The following ZBTB16 variants were observed in gnomAD, a reference collection of about 807,000 sequenced individuals.
ZBTB16 encodes the protein zinc finger and BTB domain containing 16.
Under a neutral mutation model 56.8 loss-of-function variants are expected in ZBTB16, and 8 were observed. That is an observed-to-expected ratio of 0.14 (90% confidence interval 0.08 to 0.25). The LOEUF is 0.25. Among genes scored for constraint, ZBTB16 ranks in the 10% least tolerant of loss-of-function variants. The pLI is 1.00. For missense variants in ZBTB16, 625 were observed against 903.0 expected (o/e 0.69, Z 3.95); for synonymous variants, 363 against 368.5 (o/e 0.98, Z 0.17).
At position 114,143,091 on chromosome 11, in the gene ZBTB16, A is replaced by T. The variant is rs1434403757; in HGVS notation, c.1269-13246A>T. Among the ~76,000 whole-genome samples, 1 of 151,602 alleles carries T rather than the reference A, an allele frequency of 6.6e-6. No individual in the cohort carries two copies. On this transcript the variant is annotated intron_variant, in intron 2 of 6. Coordinates refer to ENST00000335953, the MANE Select transcript of ZBTB16 (RefSeq NM_006006.6). This position sits in a 1 kb window ranked among gnomAD's most constrained non-coding sequence, Gnocchi z 6.4. ...GGTGAGCGTGGGCTTGCTCCCACCT[A>T]CTCTCCCAGGTTCCGAGGCTCCTGT... is the stretch of plus-strand genomic sequence containing the variant.
chr11:114,082,648 C>G (rs1565614939), intron 2 of ZBTB16, among the ~76,000 whole-genome samples: 1 of 152,086 alleles, frequency 6.6e-6, no homozygotes, highest in South Asian at 2.1e-4. Flanking sequence ...TCATCAGCTC[C>G]TAAGGAGACC....
chr11:114,098,660 A>G (rs1259911614), intron 2 of ZBTB16, among the ~76,000 whole-genome samples: 1 of 152,174 alleles, frequency 6.6e-6, no homozygotes, highest in Non-Finnish European at 1.5e-5. Context: ...CAGGTGGGCC[A>G]AGAAGCAAGG....
chr11:114,233,097 A>G lies in ZBTB16; in HGVS notation c.1454-9070A>G, dbSNP rs1188838676. 8.9e-4 allele frequency among the ~76,000 whole-genome samples: 35 copies of G among 39,260 alleles called. 2 individuals are homozygous for G. Among genetic ancestry groups the G allele is most frequent in the African/African-American group, 1.6e-3 (29 of 18,030 alleles). 25.8% of individuals were successfully genotyped at this position (39,260 alleles called of 152,430 possible). On this transcript the variant is annotated intron_variant, in intron 4 of 6. Transcript: ENST00000335953. Reference sequence around the variant, plus strand: ...CGCGCGCGCGCACACACACACACACACACACACACACACACACACACACAC... The same window carrying G: ...CGCGCGCGCGCACACACACACACACGCACACACACACACACACACACACAC...
intron 4 of ZBTB16, among the ~76,000 whole-genome samples, chr11:114,230,752 G>A (rs1369280219): frequency 6.6e-6 from 1 of 151,712 alleles, no homozygotes; most frequent in Non-Finnish European, 1.5e-5. Flanking sequence ...ATTGCCCAGT[G>A]TTTGGGAGAT....
chr11:114,074,883 TAA>T (rs976244908), intron 2 of ZBTB16, among the ~76,000 whole-genome samples: 1 of 152,194 alleles, frequency 6.6e-6, no homozygotes, highest in Non-Finnish European at 1.5e-5. Flanking sequence ...TTGTCATATG[TAA>T]AGAGGGAATC....
intron 2 of ZBTB16, among the ~76,000 whole-genome samples, chr11:114,136,352 G>C (rs1941797975): frequency 1.3e-5 from 2 of 152,168 alleles, no homozygotes. Flanking sequence ...ACAGAGTCTG[G>C]CTTCAGTCTC....
At chr11:114,234,855 C>G (rs1944530435) in intron 4 of ZBTB16, among the ~76,000 whole-genome samples, 1 of 152,166 alleles carries the variant, frequency 6.6e-6, no homozygotes, top group Non-Finnish European at 1.5e-5. Flanking sequence ...TGGTACAGCC[C>G]TGCTACCTTT....
At chr11:114,103,056 C>G (rs111376200) in intron 2 of ZBTB16, among the ~76,000 whole-genome samples, 2,617 of 152,336 alleles carry the variant, frequency 0.017, 35 homozygotes, top group Non-Finnish European at 0.022. Flanking sequence ...ATCAGTGATG[C>G]TGAAACTGGA....
intron 4 of ZBTB16, among the ~76,000 whole-genome samples, chr11:114,211,949 G>A (rs563252697): frequency 4.6e-5 from 7 of 152,322 alleles, no homozygotes; most frequent in African/African-American, 1.4e-4. Flanking sequence ...AAACCCCAAC[G>A]CTGGGGCGAG....
chr11:114,095,041 C>T (rs374472002), intron 2 of ZBTB16, among the ~76,000 whole-genome samples: 70 of 152,278 alleles, frequency 4.6e-4, no homozygotes, highest in African/African-American at 1.0e-3. Context: ...TGCCTGCAAA[C>T]GTGAGAGGGG....
intron 4 of ZBTB16, among the ~76,000 whole-genome samples, chr11:114,210,192 T>TGTGTGTGCGCGC (rs773801156): frequency 7.0e-6 from 1 of 143,238 alleles, no homozygotes; most frequent in Non-Finnish European, 1.6e-5. Flanking sequence ...TGTGTGTGTG[T>TGTGTGTGCGCGC]GCGTGCGCGC....
intron 4 of ZBTB16, among the ~76,000 whole-genome samples, chr11:114,205,278 T>C (rs1303980137): frequency 2.6e-5 from 4 of 151,796 alleles, no homozygotes; most frequent in African/African-American, 9.7e-5. Flanking sequence ...GGCGTAGTGG[T>C]GGGCGCCTGT....
At position 114,134,950 on chromosome 11, in the gene ZBTB16, G is replaced by C. The variant is rs1250553848; in HGVS notation, c.1269-21387G>C. On this transcript the variant is annotated intron_variant, in intron 2 of 6. Coordinates refer to ENST00000335953, the MANE Select transcript of ZBTB16 (RefSeq NM_006006.6). ...TGGTTCTGGGATTATTTGGCCCTAG[G>C]ATCAGATAAGCCACCAGTATTCACT... Among the ~76,000 whole-genome samples, 3 of 152,164 alleles carry C rather than the reference G, an allele frequency of 2.0e-5. No homozygotes were observed. In the East Asian group the frequency reaches 5.8e-4, roughly 29 times the overall value.
intron 6 of ZBTB16, among the ~76,000 whole-genome samples, chr11:114,249,204 A>G (rs1944871601): frequency 6.6e-6 from 1 of 151,934 alleles, no homozygotes. Flanking sequence ...CATGCCTATA[A>G]TCCCAGGACT....
chr11:114,154,799 C>A (rs1942366422), intron 2 of ZBTB16, among the ~76,000 whole-genome samples: 1 of 152,116 alleles, frequency 6.6e-6, no homozygotes, highest in South Asian at 2.1e-4. Context: ...AAAGGGAAAG[C>A]ATGCAAACAA....
At chr11:114,222,056 G>A (rs972592879) in intron 4 of ZBTB16, among the ~76,000 whole-genome samples, 1 of 152,152 alleles carries the variant, frequency 6.6e-6, no homozygotes, top group Admixed American at 6.5e-5. Context: ...GTGAGTCTTG[G>A]GTGAGGGGTG....
intron 2 of ZBTB16, among the ~76,000 whole-genome samples, chr11:114,129,612 T>C (rs1328942217): frequency 6.6e-6 from 1 of 152,222 alleles, no homozygotes; most frequent in African/African-American, 2.4e-5. Flanking sequence ...CATTTCCTGC[T>C]CAGAAATATT....
Position 114,148,469 on chromosome 11 carries a change from C to CTCTTTCTTTCTTTCTTTCTTTCTTTCTT in ZBTB16, c.1269-7867_1269-7840dup, listed in dbSNP as rs1555144000. 9.8e-5 allele frequency among the ~76,000 whole-genome samples: 6 copies of CTCTTTCTTTCTTTCTTTCTTTCTTTCTT among 60,962 alleles called. 1 individual carries two copies. Among genetic ancestry groups the CTCTTTCTTTCTTTCTTTCTTTCTTTCTT allele is most frequent in the African/African-American group, 1.6e-4 (3 of 18,404 alleles). The allele number at this position is 60,962 out of a possible 152,430, so 40.0% of individuals were successfully genotyped here. On this transcript the variant is annotated intron_variant, in intron 2 of 6. Transcript: ENST00000335953. ...TCTCTGTCTGTCTGTCTCTCTCTCT[C>CTCTTTCTTTCTTTCTTTCTTTCTTTCTT]TCTTTCTTTCTTTCTTTCTTTCTTT...
chr11:114,167,393 T>TG (rs1405362423), intron 3 of ZBTB16, among the ~76,000 whole-genome samples: 3 of 128,744 alleles, frequency 2.3e-5, no homozygotes, highest in Non-Finnish European at 4.8e-5. Flanking sequence ...TTTGTTTTTT[T>TG]TTTTTTTTAA....
Sources: gnomAD v4.1 joint callset for allele counts (sites outside exome capture counted in the v4.1 genomes callset) on GRCh38, gnomAD v4.1.1 for gene constraint, Gnocchi (gnomAD v3.1) non-coding constraint, MANE v1.5 for transcripts, NCBI Gene and HGNC (gene_info 2026-07-23, HGNC 2026-07-21) for gene names.